The following TRIO variants were observed in gnomAD, a reference collection of about 807,000 sequenced individuals.
The protein encoded by TRIO is triple functional domain protein.
In TRIO, 58 loss-of-function variants were observed where a neutral mutation model predicts 351.9. That is an observed-to-expected ratio of 0.16 (90% CI 0.13 to 0.21). The LOEUF (loss-of-function observed/expected upper bound fraction) is 0.21. Among genes scored for constraint, TRIO ranks in the 10% least tolerant of loss-of-function variants. The pLI, the probability that TRIO is intolerant of heterozygous loss-of-function variation, is 1.00. For synonymous variants in TRIO, 1,758 were observed against 1,595.7 expected (o/e 1.10, Z -2.42); for missense variants, 3,201 against 4,027.8 (o/e 0.79, Z 5.56).
intron 13 of TRIO, among the ~76,000 whole-genome samples, chr5:14,362,145 G>A (rs1462622204): frequency 2.0e-5 from 3 of 152,162 alleles, no homozygotes; most frequent in African/African-American, 7.2e-5. Context: ...AAGCTATACC[G>A]AAGCACAGAG....
In TRIO at chr5:14,485,066, A is replaced by T. The variant is rs1755820811; in HGVS notation, c.6658-3A>T. 6 of 1,477,200 alleles carry T rather than the reference A, an allele frequency of 4.1e-6. No individual in the cohort carries two copies. The highest frequency in any genetic ancestry group is 2.3e-5 in the Admixed American group (1 of 43,680). 91.5% of individuals were successfully genotyped at this position (1,477,200 alleles called of 1,614,324 possible). A position where few individuals can be genotyped will look rare whatever the true frequency, so the allele number is the denominator to read the frequency against. On this transcript the variant is annotated splice_polypyrimidine_tract_variant and splice_region_variant and intron_variant, in intron 46 of 56. Coordinates refer to ENST00000344204, the MANE Select transcript of TRIO (RefSeq NM_007118.4). ...TTATGAATAATGTTTTTTTTTTTTT[A>T]AGGTGAGTTGCCTTTGCCTGGAGGA...
chr5:14,444,839 T>C (rs1752319542), intron 34 of TRIO, among the ~76,000 whole-genome samples: 3 of 152,318 alleles, frequency 2.0e-5, no homozygotes, highest in Middle Eastern at 3.4e-3. Context: ...TCTTGAAATA[T>C]TAGAATGTTT....
chr5:14,362,820 G>T (rs144147432), intron 13 of TRIO, among the ~76,000 whole-genome samples: 193 of 152,178 alleles, frequency 1.3e-3, no homozygotes, highest in African/African-American at 4.3e-3. Context: ...TTTTTCTCAC[G>T]ACAGTTTACT....
chr5:14,381,117 C>G lies in TRIO; in HGVS notation c.3448-13C>G, dbSNP rs1421400860. 19 of 1,611,372 alleles carry G rather than the reference C, an allele frequency of 1.2e-5. No homozygotes were observed. Among genetic ancestry groups the G allele is most frequent in the Non-Finnish European group, 1.6e-5 (19 of 1,178,890 alleles). ...TGTAGCCCTCTGACTCCATTCATTC[C>G]TTCCCCTTCCAGGCTTTGGAATGGA... is the stretch of plus-strand genomic sequence containing the variant. On this transcript the variant is annotated splice_polypyrimidine_tract_variant and intron_variant, in intron 20 of 56. Coordinates refer to ENST00000344204, the MANE Select transcript of TRIO (RefSeq NM_007118.4).
At chr5:14,348,143 G>A (rs1742606769) in intron 11 of TRIO, among the ~76,000 whole-genome samples, 2 of 152,138 alleles carry the variant, frequency 1.3e-5, no homozygotes, top group South Asian at 4.1e-4. Flanking sequence ...TCCCTATGTC[G>A]TTTTGTTTTG....
chr5:14,301,842 AG>A (rs1170576716), intron 7 of TRIO, among the ~76,000 whole-genome samples: 2 of 152,180 alleles, frequency 1.3e-5, no homozygotes, highest in African/African-American at 4.8e-5. Context: ...GAAAACAATC[AG>A]GCCTAGAGCT....
chr5:14,193,137 G>A (rs372080547), intron 1 of TRIO, among the ~76,000 whole-genome samples: 2 of 152,340 alleles, frequency 1.3e-5, no homozygotes, highest in East Asian at 1.9e-4. Context: ...GGTAGTAACA[G>A]TTTTGAATTA....
At chr5:14,261,488 A>C (rs942582698) in intron 1 of TRIO, among the ~76,000 whole-genome samples, 2 of 152,244 alleles carry the variant, frequency 1.3e-5, no homozygotes, top group Admixed American at 6.5e-5. Context: ...TCAGAAGAAC[A>C]AAGGCGGATG....
At position 14,319,666 on chromosome 5, in the gene TRIO, A is replaced by G. The variant is rs568207125; in HGVS notation, c.1731+2923A>G. On this transcript the variant is annotated intron_variant, in intron 9 of 56. Transcript: ENST00000344204. ...CCTGTAAGTACATTGAGAAAAAGGA[A>G]GAGCAAGTTACTGAACAATAGGCGA... 6.6e-5 allele frequency among the ~76,000 whole-genome samples: 10 copies of G among 152,354 alleles called. No individual in the cohort carries two copies. The East Asian group carries it at 1.9e-3, about 29-fold the overall frequency.
At chr5:14,381,273 G>A (rs754765543) in intron 21 of TRIO, 21 bp downstream of exon 21, 3 of 1,580,100 alleles carry the variant, frequency 1.9e-6, no homozygotes, top group South Asian at 2.4e-5. Flanking sequence ...AGTGTACTTT[G>A]TATAGTGGCC....
chr5:14,292,595 T>C (rs1022474754), intron 5 of TRIO, among the ~76,000 whole-genome samples: 2 of 152,220 alleles, frequency 1.3e-5, no homozygotes, highest in Non-Finnish European at 1.5e-5. Context: ...CAGTAACCTG[T>C]GGGCACAGCA....
chr5:14,359,652 C>G, intron 13 of TRIO, 121 bp downstream of exon 13: 3 of 1,197,842 alleles, frequency 2.5e-6, no homozygotes, highest in South Asian at 1.5e-5. Flanking sequence ...CCCCAACCCT[C>G]TGCACCAGGA....
intron 3 of TRIO, among the ~76,000 whole-genome samples, chr5:14,281,330 G>A (rs575382854): frequency 6.6e-6 from 1 of 152,116 alleles, no homozygotes; most frequent in East Asian, 1.9e-4. Context: ...GAGGGTGGAG[G>A]TAGGGGGTCA....
At chr5:14,360,396 C>A (rs1217048338) in intron 13 of TRIO, among the ~76,000 whole-genome samples, 6 of 152,174 alleles carry the variant, frequency 3.9e-5, no homozygotes, top group African/African-American at 9.7e-5. Context: ...CCTAAGCTCC[C>A]CTCAGTGGTG....
In TRIO at chr5:14,461,206, G is replaced by T. The variant is rs527741236; in HGVS notation, c.5391G>T (p.Ala1797=). 1.3e-6 allele frequency: 2 copies of T among 1,568,176 alleles called. No individual in the cohort carries two copies. The highest frequency in any genetic ancestry group is 2.3e-5 in the South Asian group (2 of 85,548). Residue 1797 remains alanine, a synonymous_variant, in exon 35 of 57, where the codon GCG becomes GCT. Coordinates refer to ENST00000344204, the MANE Select transcript of TRIO (RefSeq NM_007118.4). Reference sequence around the variant, plus strand: ...CCGACGGGCACGTGAAGAAGCTGGCGCACAAGCACAAGAAGAGCCGCGAGG... The same window carrying T: ...CCGACGGGCACGTGAAGAAGCTGGCTCACAAGCACAAGAAGAGCCGCGAGG... The part of the protein sequence containing the change: ...GKADGHVKKL[A]HKHKKSREVR...
intron 37 of TRIO, chr5:14,465,956 T>A (rs927151451): frequency 3.1e-6 from 1 of 327,330 alleles, no homozygotes; most frequent in Non-Finnish European, 5.9e-6. Flanking sequence ...CCCAGTGGAG[T>A]CAGGCAGACA....
Position 14,509,243 on chromosome 5 carries a change from G to A in TRIO, c.*821G>A, listed in dbSNP as rs1579872198. The A allele has an allele frequency of 2.8e-6, 1 of 351,390 alleles. No individual in the cohort carries two copies. The highest frequency in any genetic ancestry group is 2.1e-5 in the South Asian group (1 of 46,566). 21.8% of individuals were successfully genotyped at this position (351,390 alleles called of 1,614,324 possible). ...AATACTGTAAATGCACTCATTGGGG[G>A]TTTTTTGGTTTTACTTCATATCATG... On this transcript the variant is annotated 3_prime_UTR_variant, in exon 57 of 57. Coordinates refer to ENST00000344204, the MANE Select transcript of TRIO (RefSeq NM_007118.4).
At chr5:14,433,605 T>A (rs1004126763) in intron 34 of TRIO, among the ~76,000 whole-genome samples, 2 of 152,156 alleles carry the variant, frequency 1.3e-5, no homozygotes, top group Non-Finnish European at 2.9e-5. Flanking sequence ...GGTATGACAT[T>A]TCAGGGGCCC....
chr5:14,381,327 CTCA>C (rs2152354290), intron 21 of TRIO, 75 bp downstream of exon 21: 1 of 1,498,710 alleles, frequency 6.7e-7, no homozygotes, highest in East Asian at 2.3e-5. Context: ...AAAGAAATAC[CTCA>C]TGAGATTGGA....
Sources: allele counts gnomAD v4.1 joint callset (sites outside exome capture counted in the v4.1 genomes callset), GRCh38; gene constraint gnomAD v4.1.1; transcripts MANE v1.5; gene names NCBI Gene and HGNC (gene_info 2026-07-23, HGNC 2026-07-21).